FAM13A: variants seen among roughly 807,000 people sequenced by gnomAD.
FAM13A encodes the protein protein FAM13A.
FAM13A carries 76 observed loss-of-function variants against 129.6 expected under a neutral mutation model. That is an observed-to-expected ratio of 0.59 (90% CI 0.49 to 0.71). FAM13A has a LOEUF of 0.71. Ranked by LOEUF, FAM13A falls within the 30% of genes least tolerant of loss-of-function variation. FAM13A has a pLI of 0.00. For missense variants in FAM13A, 1,108 were observed against 1,249.3 expected (o/e 0.89, Z 1.70); for synonymous variants, 443 against 449.9 (o/e 0.98, Z 0.20).
At chr4:88,824,682 C>T (rs1263020021) in intron 7 of FAM13A, among the ~76,000 whole-genome samples, 1 of 150,208 alleles carries the variant, frequency 6.7e-6, no homozygotes, top group African/African-American at 2.5e-5. Context: ...TAAAAAATCA[C>T]TTTAACTCTT....
intron 5 of FAM13A, among the ~76,000 whole-genome samples, chr4:88,929,143 A>G (rs757358742): frequency 6.6e-6 from 1 of 151,750 alleles, no homozygotes; most frequent in Non-Finnish European, 1.5e-5. Context: ...TCATCTATGA[A>G]GTATATTCTG....
At chr4:88,837,785 G>A (rs1735086352) in intron 7 of FAM13A, among the ~76,000 whole-genome samples, 1 of 149,598 alleles carries the variant, frequency 6.7e-6, no homozygotes, top group South Asian at 2.1e-4. Flanking sequence ...TTTAAACAGT[G>A]ATAAATACAT....
chr4:89,012,802 A>G lies in FAM13A; in HGVS notation c.427+7658T>C, dbSNP rs138330452. Among the ~76,000 whole-genome samples, 24 of 152,316 alleles carry G rather than the reference A, an allele frequency of 1.6e-4. No homozygotes were observed. In the East Asian group the frequency reaches 3.7e-3, roughly 23 times the overall value. ...GAGGACTTTGATCTGAAAAATTTTA[A>G]GCACATTCAACTATGAAATCACTTG... On this transcript the variant is annotated intron_variant, in intron 3 of 23. Transcript: ENST00000264344.
At chr4:88,897,352 A>C (rs1481083707) in intron 6 of FAM13A, among the ~76,000 whole-genome samples, 1 of 152,220 alleles carries the variant, frequency 6.6e-6, no homozygotes, top group Non-Finnish European at 1.5e-5. Context: ...CAGAAGTGCC[A>C]TGGCACTGTG....
intron 6 of FAM13A, among the ~76,000 whole-genome samples, chr4:88,887,864 C>T (rs996041238): frequency 2.0e-5 from 3 of 152,004 alleles, no homozygotes; most frequent in African/African-American, 7.2e-5. Flanking sequence ...TTTTCTAAAA[C>T]CTCTCTGAGA....
intron 3 of FAM13A, among the ~76,000 whole-genome samples, chr4:88,991,395 G>A (rs924243120): frequency 6.6e-6 from 1 of 152,008 alleles, no homozygotes; most frequent in Admixed American, 6.6e-5. Context: ...CCGAGATTGC[G>A]CCACTGCACT....
intron 6 of FAM13A, among the ~76,000 whole-genome samples, chr4:88,903,094 A>G (rs962928249): frequency 6.6e-6 from 1 of 152,218 alleles, no homozygotes; most frequent in African/African-American, 2.4e-5. Context: ...CTGCTCAAAG[A>G]AATCAGAGAG....
chr4:88,878,075 G>A (rs1027284217), intron 6 of FAM13A, among the ~76,000 whole-genome samples: 1 of 151,990 alleles, frequency 6.6e-6, no homozygotes, highest in African/African-American at 2.4e-5. Context: ...GGATCACGAG[G>A]TCAGGAAATC....
At chr4:89,007,124 C>T (rs908452422) in intron 3 of FAM13A, among the ~76,000 whole-genome samples, 4 of 152,196 alleles carry the variant, frequency 2.6e-5, no homozygotes, top group Non-Finnish European at 5.9e-5. Flanking sequence ...TCATTATCTC[C>T]ATTTAACAGG....
At chr4:89,043,736 A>G (rs1770472229) in intron 1 of FAM13A, among the ~76,000 whole-genome samples, 1 of 152,136 alleles carries the variant, frequency 6.6e-6, no homozygotes, top group South Asian at 2.1e-4. Context: ...AACAACAACA[A>G]AAAGATAAAT....
At position 88,956,450 on chromosome 4, in the gene FAM13A, C is replaced by T. The variant is rs79546644; in HGVS notation, c.606-18209G>A. ...ATACTCTGTGATGCTCACGCATGTA[C>T]GAAATTGTCTAATGACGCATTTCTC... On this transcript the variant is annotated intron_variant, in intron 4 of 23. Transcript: ENST00000264344. 7.1e-3 allele frequency among the ~76,000 whole-genome samples: 1,080 copies of T among 152,006 alleles called. 11 individuals carry two copies. In the Middle Eastern group the frequency reaches 0.075, roughly 11 times the overall value.
At chr4:88,755,152 C>T (rs1482794839) in intron 14 of FAM13A, among the ~76,000 whole-genome samples, 1 of 152,076 alleles carries the variant, frequency 6.6e-6, no homozygotes, top group Non-Finnish European at 1.5e-5. Context: ...ATGGTTAATC[C>T]TTAATAAATC....
At chr4:89,005,542 T>C (rs149702205) in intron 3 of FAM13A, among the ~76,000 whole-genome samples, 1 of 152,318 alleles carries the variant, frequency 6.6e-6, no homozygotes, top group African/African-American at 2.4e-5. Context: ...CAACAGTGTA[T>C]AAGGATTCCC....
intron 6 of FAM13A, among the ~76,000 whole-genome samples, chr4:88,854,028 T>G (rs1309202338): frequency 6.6e-6 from 1 of 152,184 alleles, no homozygotes; most frequent in African/African-American, 2.4e-5. Context: ...TTTGAGGTTT[T>G]GGGACTCAGA....
intron 14 of FAM13A, chr4:88,753,718 A>G (rs1241351746): frequency 2.4e-6 from 1 of 418,578 alleles, no homozygotes; most frequent in Non-Finnish European, 3.2e-6. Flanking sequence ...TACACAGTTC[A>G]GTATAACTAA....
chr4:89,023,674 A>T (rs1395783789), intron 2 of FAM13A, among the ~76,000 whole-genome samples: 1 of 152,210 alleles, frequency 6.6e-6, no homozygotes, highest in Admixed American at 6.5e-5. Flanking sequence ...TGTCCCATTT[A>T]TCTGAACAAC....
In FAM13A at chr4:88,937,945, T is replaced by A. The variant is rs190207120; in HGVS notation, c.759+143A>T. 9.8e-6 allele frequency: 6 copies of A among 613,528 alleles called. 1 individual carries two copies. In the Admixed American group the frequency reaches 1.8e-4, roughly 19 times the overall value. 38.0% of individuals were successfully genotyped at this position (613,528 alleles called of 1,614,324 possible). A position where few individuals can be genotyped will look rare whatever the true frequency, so the allele number is the denominator to read the frequency against. On this transcript the variant is annotated intron_variant, in intron 5 of 23. Transcript: ENST00000264344. ...TCAATTTAATAAGCATTTGGAATAA[T>A]AGATTTCATAAGAAGGATTCACTAT...
chr4:88,968,567 C>A (rs182640716), intron 4 of FAM13A, among the ~76,000 whole-genome samples: 1 of 152,096 alleles, frequency 6.6e-6, no homozygotes, highest in Non-Finnish European at 1.5e-5. Flanking sequence ...GCCCTATATG[C>A]CCCAGAGGAT....
intron 2 of FAM13A, among the ~76,000 whole-genome samples, chr4:89,025,900 T>C (rs139001755): frequency 7.6e-4 from 115 of 152,286 alleles, no homozygotes; most frequent in African/African-American, 2.6e-3. Context: ...AGACACTTTG[T>C]AGGGATAGAC....
Sources: allele counts gnomAD v4.1 joint callset (sites outside exome capture counted in the v4.1 genomes callset), GRCh38; gene constraint gnomAD v4.1.1; transcripts MANE v1.5; gene names NCBI Gene and HGNC (gene_info 2026-07-23, HGNC 2026-07-21).